Variants in OPHN1 observed in about 807,000 individuals in gnomAD.
OPHN1 encodes oligophrenin-1.
OPHN1 carries 11 observed loss-of-function variants against 60.7 expected under a neutral mutation model. That is an observed-to-expected ratio of 0.18 (90% CI 0.11 to 0.30). OPHN1 has a LOEUF of 0.30. Ranked by LOEUF, OPHN1 falls within the 10% of genes least tolerant of loss-of-function variation. The pLI is 1.00. For missense variants in OPHN1, 449 were observed against 611.0 expected, an observed-to-expected ratio of 0.73 and a Z score of 2.80; for synonymous variants, 226 against 222.6, an observed-to-expected ratio of 1.02 and a Z score of -0.14.
intron 18 of OPHN1, among the ~76,000 whole-genome samples, chrX:68,111,340 C>T (rs1210865590): frequency 8.9e-6 from 1 of 112,446 alleles, no homozygotes; most frequent in Non-Finnish European, 1.9e-5. Context: ...ATCTCAGTGC[C>T]TGTCACCAGG....
intron 15 of OPHN1, among the ~76,000 whole-genome samples, chrX:68,168,893 A>G (rs1349405254): frequency 8.9e-6 from 1 of 111,760 alleles, no homozygotes; most frequent in Non-Finnish European, 1.9e-5. Context: ...CAAATAAACT[A>G]GAAAATCTAG....
At position 68,042,643 on chromosome X, in the gene OPHN1, G is replaced by C. The variant is rs2076819574; in HGVS notation, c.*4529C>G. On this transcript the variant is annotated 3_prime_UTR_variant, in exon 25 of 25. Transcript: ENST00000355520. ...AAATGCTCATCATCACTGGCCATCA[G>C]AGAAATGCAAATCAAAACCACTATG... 1 of 101,184 alleles carries C rather than the reference G, an allele frequency of 9.9e-6. No individual in the cohort carries two copies. Among genetic ancestry groups the C allele is most frequent in the African/African-American group, 3.6e-5 (1 of 27,519 alleles). 8.3% of individuals were successfully genotyped at this position (101,184 alleles called of 1,213,427 possible).
intron 5 of OPHN1, among the ~76,000 whole-genome samples, chrX:68,246,340 G>C (rs771868943): frequency 1.8e-5 from 2 of 111,869 alleles, no homozygotes; most frequent in Non-Finnish European, 3.8e-5. Flanking sequence ...AATGCAAGAG[G>C]GATTTAAGTG....
intron 5 of OPHN1, among the ~76,000 whole-genome samples, chrX:68,269,468 A>G (rs1437366838): frequency 8.9e-6 from 1 of 111,894 alleles, no homozygotes; most frequent in Non-Finnish European, 1.9e-5. Context: ...GACAAACCTG[A>G]CAAAAACAAG....
At chrX:68,153,080 G>A (rs1318488101) in intron 15 of OPHN1, among the ~76,000 whole-genome samples, 1 of 107,959 alleles carries the variant, frequency 9.3e-6, no homozygotes, top group African/African-American at 3.4e-5. Context: ...GTGTGGTGGC[G>A]GGTACCTGTA....
chrX:68,109,803 T>G (rs2077096640), intron 18 of OPHN1, among the ~76,000 whole-genome samples: 2 of 111,438 alleles, frequency 1.8e-5, no homozygotes, highest in Non-Finnish European at 3.8e-5. Flanking sequence ...CAAAACAAAG[T>G]TCATAGAGAT....
chrX:68,163,570 G>A (rs751601395), intron 15 of OPHN1, among the ~76,000 whole-genome samples: 4 of 110,506 alleles, frequency 3.6e-5, no homozygotes, highest in Non-Finnish European at 7.6e-5. Flanking sequence ...TGATTATGAG[G>A]TGCTGATTTC....
chrX:68,047,573 T>A (rs946630741), intron 24 of OPHN1, among the ~76,000 whole-genome samples: 10 of 111,569 alleles, frequency 9.0e-5, no homozygotes, highest in Non-Finnish European at 1.9e-4. Flanking sequence ...CTCTGAGGAC[T>A]GGCAGTGACA....
At chrX:68,188,590 C>T (rs1283432885) in intron 15 of OPHN1, among the ~76,000 whole-genome samples, 3 of 111,698 alleles carry the variant, frequency 2.7e-5, no homozygotes, top group African/African-American at 3.3e-5. Context: ...TCACATCATA[C>T]GACAGTATCA....
chrX:68,101,860 C>T (rs147409270), intron 18 of OPHN1, among the ~76,000 whole-genome samples: 191 of 112,367 alleles, frequency 1.7e-3, no homozygotes, highest in African/African-American at 5.8e-3. Flanking sequence ...GTGTATACAA[C>T]ATCACATGTG....
At chrX:68,354,387 T>C (rs1363173785) in intron 2 of OPHN1, among the ~76,000 whole-genome samples, 2 of 92,317 alleles carry the variant, frequency 2.2e-5, no homozygotes, top group Non-Finnish European at 4.3e-5. Flanking sequence ...GAGGCAGAGA[T>C]TGCAGTGAGC....
chrX:68,197,085 A>G, intron 12 of OPHN1, 101 bp downstream of exon 12: 1 of 611,796 alleles, frequency 1.6e-6, no homozygotes, highest in East Asian at 3.3e-5. Flanking sequence ...GAGACTAAAC[A>G]ATCCATTACC....
intron 2 of OPHN1, among the ~76,000 whole-genome samples, chrX:68,431,547 G>A (rs1490324301): frequency 9.1e-6 from 1 of 110,210 alleles, no homozygotes; most frequent in East Asian, 2.8e-4. Flanking sequence ...CTCCTGAGTA[G>A]CTGGAATTAC....
At chrX:68,420,723 T>C (rs1348254714) in intron 2 of OPHN1, among the ~76,000 whole-genome samples, 1 of 110,775 alleles carries the variant, frequency 9.0e-6, no homozygotes, top group Non-Finnish European at 1.9e-5. Flanking sequence ...CCTACTTCAT[T>C]CCTGCAGGTC....
At chrX:68,412,491 G>A (rs984749498) in intron 2 of OPHN1, among the ~76,000 whole-genome samples, 6 of 111,129 alleles carry the variant, frequency 5.4e-5, no homozygotes, top group Non-Finnish European at 1.1e-4. Flanking sequence ...GGGCAGCTGG[G>A]AATGGGGAGT....
intron 2 of OPHN1, among the ~76,000 whole-genome samples, chrX:68,387,864 G>A (rs2078632487): frequency 1.8e-5 from 2 of 111,074 alleles, no homozygotes; most frequent in Admixed American, 2.0e-4. Context: ...TAAGAAGAGG[G>A]ATCATCTGAC....
intron 2 of OPHN1, among the ~76,000 whole-genome samples, chrX:68,317,634 G>T (rs1423311133): frequency 1.2e-4 from 10 of 84,383 alleles, no homozygotes; most frequent in Non-Finnish European, 1.9e-4. Context: ...AAGGAGAAAA[G>T]AAAAGAAAAA....
chrX:68,170,768 T>C (rs1463390804), intron 15 of OPHN1, among the ~76,000 whole-genome samples: 1 of 76,254 alleles, frequency 1.3e-5, no homozygotes, highest in African/African-American at 5.3e-5. Context: ...AACATCACAC[T>C]CTGGGGACTG....
At chrX:68,218,292 T>C (rs1008702168) in intron 6 of OPHN1, among the ~76,000 whole-genome samples, 2 of 108,002 alleles carry the variant, frequency 1.9e-5, no homozygotes, top group African/African-American at 6.7e-5. Context: ...AAAGACCAAA[T>C]CTATGTCTGA....
Sources: allele counts gnomAD v4.1 joint callset (sites outside exome capture counted in the v4.1 genomes callset), GRCh38; gene constraint gnomAD v4.1.1; transcripts MANE v1.5; gene names NCBI Gene and HGNC (gene_info 2026-07-23, HGNC 2026-07-21).